Variants in VPS13B observed in about 807,000 individuals in gnomAD.
VPS13B encodes intermembrane lipid transfer protein VPS13B.
A neutral mutation model predicts 426.4 loss-of-function variants in VPS13B; 285 were observed. The ratio of observed to expected loss-of-function variants is 0.67; its 90% CI spans 0.61 to 0.74. The LOEUF (loss-of-function observed/expected upper bound fraction) is 0.74. Ranked by LOEUF, VPS13B falls within the 30% of genes least tolerant of loss-of-function variation. VPS13B has a pLI of 0.00. For synonymous variants in VPS13B, 1,676 were observed against 1,676.4 expected (o/e 1.00, Z 0.01); for missense variants, 4,537 against 4,782.6 (o/e 0.95, Z 1.51).
At chr8:99,505,433 G>A (rs551443789) in intron 27 of VPS13B, among the ~76,000 whole-genome samples, 5 of 152,228 alleles carry the variant, frequency 3.3e-5, no homozygotes, top group African/African-American at 1.2e-4. Flanking sequence ...CCATTGTAGG[G>A]TTATTAATTG....
At chr8:99,450,455 C>G (rs531345656) in intron 23 of VPS13B, among the ~76,000 whole-genome samples, 2 of 152,142 alleles carry the variant, frequency 1.3e-5, no homozygotes, top group Non-Finnish European at 2.9e-5. Flanking sequence ...GTGGCTCATT[C>G]CTGTAATCCC....
At chr8:99,464,078 T>C (rs1214286948) in intron 23 of VPS13B, among the ~76,000 whole-genome samples, 1 of 151,960 alleles carries the variant, frequency 6.6e-6, no homozygotes, top group Non-Finnish European at 1.5e-5. Context: ...ATGTTTGTAG[T>C]ACATCTTTCT....
At chr8:99,216,266 T>C (rs1425661666) in intron 17 of VPS13B, among the ~76,000 whole-genome samples, 1 of 152,172 alleles carries the variant, frequency 6.6e-6, no homozygotes, top group African/African-American at 2.4e-5. Flanking sequence ...GCTGCAGGGC[T>C]TTTACTGTGT....
intron 39 of VPS13B, among the ~76,000 whole-genome samples, chr8:99,721,424 G>A (rs918953805): frequency 6.6e-6 from 1 of 152,118 alleles, no homozygotes; most frequent in Non-Finnish European, 1.5e-5. Flanking sequence ...GCCCATGTAA[G>A]GCTAGAAAGA....
At chr8:99,676,527 C>G (rs947805891) in intron 35 of VPS13B, among the ~76,000 whole-genome samples, 1 of 151,902 alleles carries the variant, frequency 6.6e-6, no homozygotes, top group Non-Finnish European at 1.5e-5. Context: ...TCACTTCCTT[C>G]TAGTTCCCCC....
At position 99,121,195 on chromosome 8, in the gene VPS13B, G is replaced by T; in HGVS notation, c.956G>T (p.Arg319Ile). 1 of 1,613,582 alleles carries T rather than the reference G, an allele frequency of 6.2e-7. No homozygotes were observed. Among genetic ancestry groups the T allele is most frequent in the Non-Finnish European group, 8.5e-7 (1 of 1,179,790 alleles). The change falls in exon 8 of 62, where the codon AGA becomes ATA. Residue 319 changes from arginine (R) to isoleucine (I), a missense_variant. This residue lies in a region of VPS13B where 4,311 missense variants were observed against 4,474.3 expected (regional missense o/e 0.96). Coordinates refer to ENST00000357162, the MANE Select transcript of VPS13B (RefSeq NM_152564.5). ...GNITGSEDETRIDMQYPAQHK... is the reference protein window; with the variant it reads ...GNITGSEDETIIDMQYPAQHK... ...TTGATAGGTTCTGAAGATGAAACAAGAATAGATATGCAATATCCTGCTCAG... is the reference window on the plus strand; with the variant it reads ...TTGATAGGTTCTGAAGATGAAACAATAATAGATATGCAATATCCTGCTCAG...
chr8:99,575,080 C>T (rs1187388915), intron 31 of VPS13B, among the ~76,000 whole-genome samples: 1 of 152,036 alleles, frequency 6.6e-6, no homozygotes, highest in African/African-American at 2.4e-5. Flanking sequence ...GTGGGAGGAT[C>T]ACTTGCGCCC....
intron 30 of VPS13B, among the ~76,000 whole-genome samples, chr8:99,554,129 A>G (rs1286852146): frequency 1.3e-5 from 2 of 152,114 alleles, no homozygotes; most frequent in Non-Finnish European, 2.9e-5. Context: ...CAGCTTTTCC[A>G]TGTATCAAGG....
chr8:99,764,052 C>CT (rs1322224429), intron 39 of VPS13B, among the ~76,000 whole-genome samples: 3 of 152,124 alleles, frequency 2.0e-5, no homozygotes, highest in Admixed American at 1.3e-4. Context: ...ATTAAAGAAG[C>CT]TTTTTTGAGA....
At chr8:99,742,521 A>G (rs1385715841) in intron 39 of VPS13B, among the ~76,000 whole-genome samples, 1 of 152,192 alleles carries the variant, frequency 6.6e-6, no homozygotes, top group Admixed American at 6.5e-5. Context: ...AGACACAACC[A>G]AAAGAGAGAA....
chr8:99,191,453 G>A (rs1487941870), intron 16 of VPS13B, among the ~76,000 whole-genome samples: 1 of 139,904 alleles, frequency 7.1e-6, no homozygotes, highest in Non-Finnish European at 1.5e-5. Context: ...GCGCGATCTC[G>A]GCTCACTGCA....
chr8:99,530,169 A>C (rs547732260), intron 30 of VPS13B, among the ~76,000 whole-genome samples: 1 of 152,150 alleles, frequency 6.6e-6, no homozygotes, highest in African/African-American at 2.4e-5. Flanking sequence ...AATCCTTAAG[A>C]ATCGCATCTA....
chr8:99,416,465 GA>G (rs897424610), intron 21 of VPS13B, among the ~76,000 whole-genome samples: 77 of 151,370 alleles, frequency 5.1e-4, no homozygotes, highest in African/African-American at 1.7e-3. Flanking sequence ...ACTGGCATAT[GA>G]AAAAAAAACT....
intron 44 of VPS13B, among the ~76,000 whole-genome samples, 176 bp from the exon 45 acceptor site, chr8:99,817,364 G>C (rs1351293699): frequency 2.0e-5 from 3 of 151,854 alleles, no homozygotes; most frequent in Non-Finnish European, 4.4e-5. Flanking sequence ...ACTCAACATG[G>C]CCAAAGCAAA....
At chr8:99,635,153 A>G (rs1274445879) in intron 33 of VPS13B, among the ~76,000 whole-genome samples, 1 of 151,964 alleles carries the variant, frequency 6.6e-6, no homozygotes, top group Non-Finnish European at 1.5e-5. Context: ...CTCCTTTGTA[A>G]TCTCAGTATG....
intron 33 of VPS13B, among the ~76,000 whole-genome samples, chr8:99,588,986 T>G (rs924506377): frequency 4.6e-5 from 7 of 151,794 alleles, no homozygotes. Flanking sequence ...ATACCTAGTT[T>G]CTTGAGAGTG....
Position 99,017,646 on chromosome 8 carries a change from C to A in VPS13B, c.147+3711C>A, listed in dbSNP as rs550035210. Among the ~76,000 whole-genome samples, 6 of 152,120 alleles carry A rather than the reference C, an allele frequency of 3.9e-5. No individual in the cohort carries two copies. The East Asian group carries it at 1.2e-3, about 29-fold the overall frequency. ...TAGCTGGGATTACAGGTGTGCACCA[C>A]CACGCCTGGCTAACTTTTGTATTTT... On this transcript the variant is annotated intron_variant, in intron 2 of 61. Coordinates refer to ENST00000357162, the MANE Select transcript of VPS13B (RefSeq NM_152564.5).
At chr8:99,179,340 T>C (rs1401329652) in intron 16 of VPS13B, among the ~76,000 whole-genome samples, 1 of 152,226 alleles carries the variant, frequency 6.6e-6, no homozygotes, top group Non-Finnish European at 1.5e-5. Flanking sequence ...ACTTTGCTTC[T>C]TACAATTTAT....
chr8:99,558,037 G>A (rs1400556759), intron 31 of VPS13B, among the ~76,000 whole-genome samples: 1 of 152,056 alleles, frequency 6.6e-6, no homozygotes, highest in African/African-American at 2.4e-5. Flanking sequence ...TTCATTGTAT[G>A]CCTTTTGCAA....
Sources: allele counts gnomAD v4.1 joint callset (sites outside exome capture counted in the v4.1 genomes callset), GRCh38; gene constraint gnomAD v4.1.1; regional missense constraint gnomAD v4.1.1; transcripts MANE v1.5; gene names NCBI Gene and HGNC (gene_info 2026-07-23, HGNC 2026-07-21).